TNS3: variants seen among roughly 807,000 people sequenced by gnomAD.
TNS3 encodes tensin-3.
Under a neutral mutation model 140.9 loss-of-function variants are expected in TNS3, and 45 were observed. The observed-to-expected ratio is 0.32, with a 90% CI of 0.25 to 0.41. The LOEUF (loss-of-function observed/expected upper bound fraction) is 0.41. Ranked by LOEUF, TNS3 falls within the 10% of genes least tolerant of loss-of-function variation. The pLI is 1.00. For synonymous variants in TNS3, 815 were observed against 788.4 expected, an observed-to-expected ratio of 1.03 and a Z score of -0.56; for missense variants, 1,716 against 1,906.7, an observed-to-expected ratio of 0.90 and a Z score of 1.86.
chr7:47,351,227 G>A (rs746693214), intron 17 of TNS3, among the ~76,000 whole-genome samples: 4 of 152,142 alleles, frequency 2.6e-5, no homozygotes, highest in Non-Finnish European at 5.9e-5. Context: ...CCAAACTCAC[G>A]TGTTTGATCC....
chr7:47,407,037 T>C lies in TNS3; in HGVS notation c.723+4690A>G, dbSNP rs1793489960. 6.6e-6 allele frequency among the ~76,000 whole-genome samples: 1 copy of C among 152,178 alleles called. No individual in the cohort carries two copies. Among genetic ancestry groups the C allele is most frequent in the Admixed American group, 6.5e-5 (1 of 15,284 alleles). On this transcript the variant is annotated intron_variant, in intron 13 of 30. Transcript: ENST00000311160. This position sits in a 1 kb window ranked among gnomAD's most constrained non-coding sequence, Gnocchi z 4.1. Reference sequence around the variant, plus strand: ...AAGAAGCATGAACGGGAGGAGGGGATGGCTCCCGCTCCTCTCTAGGGATGC... The same window carrying C: ...AAGAAGCATGAACGGGAGGAGGGGACGGCTCCCGCTCCTCTCTAGGGATGC...
chr7:47,413,022 C>T (rs1237812933), intron 12 of TNS3, among the ~76,000 whole-genome samples: 4 of 151,954 alleles, frequency 2.6e-5, no homozygotes, highest in African/African-American at 7.2e-5. Flanking sequence ...GGCACAATCT[C>T]GGCTCACTGC....
At chr7:47,385,350 T>G (rs1053307820) in intron 16 of TNS3, among the ~76,000 whole-genome samples, 1 of 152,226 alleles carries the variant, frequency 6.6e-6, no homozygotes, top group East Asian at 1.9e-4. Flanking sequence ...CGGAAGGTTG[T>G]GCAGCTCGTG....
intron 3 of TNS3, among the ~76,000 whole-genome samples, chr7:47,487,024 C>T (rs549345900): frequency 4.3e-4 from 65 of 152,282 alleles, no homozygotes; most frequent in Admixed American, 2.4e-3. Context: ...AGAGGCCGGG[C>T]GCAGTAGCTC....
At chr7:47,495,367 T>C (rs1417428066) in intron 3 of TNS3, among the ~76,000 whole-genome samples, 4 of 152,124 alleles carry the variant, frequency 2.6e-5, no homozygotes, top group Non-Finnish European at 5.9e-5. Context: ...CTGAGACTCA[T>C]GGACACACAC....
intron 20 of TNS3, among the ~76,000 whole-genome samples, chr7:47,336,958 C>G (rs1209841041): frequency 6.6e-6 from 1 of 152,168 alleles, no homozygotes; most frequent in Non-Finnish European, 1.5e-5. Context: ...TGGCCTTCCA[C>G]GTCCAACCGT....
chr7:47,396,899 C>G lies in TNS3; in HGVS notation c.925G>C (p.Glu309Gln). 6.2e-7 allele frequency: 1 copy of G among 1,613,512 alleles called. No individual in the cohort carries two copies. The highest frequency in any genetic ancestry group is 1.1e-5 in the South Asian group (1 of 91,062). The change falls in exon 16 of 31, where the codon GAA (glutamate) becomes CAA (glutamine). Residue 309 changes from glutamate to glutamine, a missense_variant. Physicochemically the swap from Glu to Gln is conservative, Grantham distance 29. Coordinates refer to ENST00000311160, the MANE Select transcript of TNS3 (RefSeq NM_022748.12). ...ACACCGTGGTCGTTGTACAAGTGTTCGGACCCTGCACAGAGCACAGGCAGC... is the reference window on the plus strand; with the variant it reads ...ACACCGTGGTCGTTGTACAAGTGTTGGGACCCTGCACAGAGCACAGGCAGC... ...SATPEKIQGS[E>Q]HLYNDHGVIV...
At chr7:47,530,834 A>ATATATATATATATATAT (rs1554350205) in intron 1 of TNS3, among the ~76,000 whole-genome samples, 1 of 30,826 alleles carries the variant, frequency 3.2e-5, no homozygotes, top group Non-Finnish European at 6.9e-5. Context: ...AAAAAAAAAA[A>ATATATATATATATATAT]AAAAATATAT....
intron 1 of TNS3, among the ~76,000 whole-genome samples, chr7:47,554,910 C>T (rs1288649800): frequency 6.6e-6 from 1 of 151,886 alleles, no homozygotes; most frequent in African/African-American, 2.4e-5. Context: ...CGCCTGTAAT[C>T]CCAGCTACTC....
chr7:47,372,321 T>C (rs1791121485), intron 16 of TNS3, among the ~76,000 whole-genome samples: 1 of 152,142 alleles, frequency 6.6e-6, no homozygotes, highest in African/African-American at 2.4e-5. Flanking sequence ...TCCCACACTC[T>C]TCTCCCTAAA....
intron 8 of TNS3, among the ~76,000 whole-genome samples, chr7:47,432,429 T>C (rs1191668397): frequency 6.6e-6 from 1 of 152,186 alleles, no homozygotes; most frequent in Non-Finnish European, 1.5e-5. Context: ...CCCCTTGAGC[T>C]TGGACATCTC....
At chr7:47,550,705 G>A (rs1196326331) in intron 1 of TNS3, among the ~76,000 whole-genome samples, 3 of 152,172 alleles carry the variant, frequency 2.0e-5, no homozygotes. Context: ...ACAGAATTAT[G>A]CACAACAAAA....
intron 13 of TNS3, among the ~76,000 whole-genome samples, chr7:47,408,585 T>A (rs1379672657): frequency 6.6e-6 from 1 of 152,196 alleles, no homozygotes; most frequent in South Asian, 2.1e-4. Flanking sequence ...ATCGATGCAG[T>A]TTCATCCTCT....
At position 47,277,583 on chromosome 7, in the gene TNS3, G is replaced by C; in HGVS notation, c.*493C>G. ...AAACATACGCCCCCTTCTCAGTTTCGTTAGCATCTCCATCTTGGGAAGACC... is the reference window on the plus strand; with the variant it reads ...AAACATACGCCCCCTTCTCAGTTTCCTTAGCATCTCCATCTTGGGAAGACC... On this transcript the variant is annotated 3_prime_UTR_variant, in exon 31 of 31. Coordinates refer to ENST00000311160, the MANE Select transcript of TNS3 (RefSeq NM_022748.12). 1.4e-5 allele frequency: 3 copies of C among 211,174 alleles called. No homozygotes were observed. In the South Asian group the frequency reaches 2.4e-4, roughly 17 times the overall value. 13.1% of individuals were successfully genotyped at this position (211,174 alleles called of 1,614,324 possible).
chr7:47,396,172 C>A (rs1469822634), intron 16 of TNS3, among the ~76,000 whole-genome samples: 1 of 152,168 alleles, frequency 6.6e-6, no homozygotes, highest in African/African-American at 2.4e-5. Context: ...CCTCAATTCC[C>A]CTCCTTTGAA....
intron 13 of TNS3, among the ~76,000 whole-genome samples, chr7:47,401,621 A>G (rs1793170712): frequency 6.6e-6 from 1 of 152,212 alleles, no homozygotes; most frequent in African/African-American, 2.4e-5. Context: ...AGGGTAGAGC[A>G]AGCCCCTCCT....
Position 47,453,330 on chromosome 7 carries a change from G to A in TNS3, c.-75-11275C>T, listed in dbSNP as rs1311792931. On this transcript the variant is annotated intron_variant, in intron 4 of 30. Coordinates refer to ENST00000311160, the MANE Select transcript of TNS3 (RefSeq NM_022748.12). The stretch of plus-strand genomic sequence containing the variant: ...GGAAGCTGAGTGGCTGTGCCTTCCT[G>A]GGGACTAGCCACTAGGGAGAACCGC... 4.7e-6 allele frequency: 4 copies of A among 848,126 alleles called. No homozygotes were observed. In the South Asian group the frequency reaches 1.6e-4, roughly 34 times the overall value. The allele number at this position is 848,126 out of a possible 1,614,324, so 52.5% of individuals were successfully genotyped here. A position where few individuals can be genotyped will look rare whatever the true frequency, so the allele number is the denominator to read the frequency against.
At chr7:47,360,002 T>A (rs1448140714) in intron 17 of TNS3, among the ~76,000 whole-genome samples, 1 of 152,162 alleles carries the variant, frequency 6.6e-6, no homozygotes, top group Non-Finnish European at 1.5e-5. Context: ...GGTGGTAGGG[T>A]GGGAAACCAA....
intron 14 of TNS3, 58 bp downstream of exon 14, chr7:47,400,727 C>G: frequency 6.3e-7 from 1 of 1,599,048 alleles, no homozygotes. Context: ...AAAGAATCAA[C>G]CAAGGAGGTT....
Sources: allele counts gnomAD v4.1 joint callset (sites outside exome capture counted in the v4.1 genomes callset), GRCh38; gene constraint gnomAD v4.1.1; non-coding constraint Gnocchi (gnomAD v3.1); transcripts MANE v1.5; gene names NCBI Gene and HGNC (gene_info 2026-07-23, HGNC 2026-07-21).